RPS6KA2: variants seen among roughly 807,000 people sequenced by gnomAD.
The protein encoded by RPS6KA2 is ribosomal protein S6 kinase A2.
RPS6KA2 carries 42 observed loss-of-function variants against 91.8 expected under a neutral mutation model. The ratio of observed to expected loss-of-function variants is 0.46; its 90% CI spans 0.36 to 0.59. The LOEUF is 0.59. RPS6KA2 is among the 20% of genes least tolerant of loss of function. The pLI is 0.00. For synonymous variants in RPS6KA2, 414 were observed against 393.6 expected (o/e 1.05, Z -0.61); for missense variants, 798 against 978.5 (o/e 0.82, Z 2.46).
intron 1 of RPS6KA2, among the ~76,000 whole-genome samples, chr6:166,576,955 G>A (rs1784853537): frequency 6.8e-6 from 1 of 147,684 alleles, no homozygotes; most frequent in African/African-American, 2.4e-5. Flanking sequence ...GCTGTGTGCA[G>A]CCTAGGGACT....
intron 3 of RPS6KA2, among the ~76,000 whole-genome samples, chr6:166,521,665 C>T (rs746656835): frequency 3.3e-5 from 5 of 152,088 alleles, no homozygotes; most frequent in Non-Finnish European, 5.9e-5. Context: ...ACAGAGAGAT[C>T]GCAGAGATAC....
intron 2 of RPS6KA2, among the ~76,000 whole-genome samples, chr6:166,817,492 G>C (rs779168101): frequency 1.4e-4 from 22 of 152,110 alleles, no homozygotes; most frequent in Non-Finnish European, 3.1e-4. Context: ...CTGTCTGCTA[G>C]ATACTATGAC....
chr6:166,670,775 G>C (rs1481404183), intron 2 of RPS6KA2, among the ~76,000 whole-genome samples: 1 of 152,088 alleles, frequency 6.6e-6, no homozygotes, highest in African/African-American at 2.4e-5. Context: ...TACTCTTAAG[G>C]CTACCCTCAA....
upstream of RPS6KA2, chr6:166,627,778 T>C (rs1401229454): frequency 1.3e-5 from 2 of 152,234 alleles, no homozygotes; most frequent in Non-Finnish European, 2.9e-5. Context: ...TATGTTTTCC[T>C]TCCTTAAAAC....
rs1373047002 is a variant in RPS6KA2 at position 166,475,827 on chromosome 6, G to A, written c.908-5922C>T. 2.3e-5 allele frequency: 12 copies of A among 522,268 alleles called. No individual in the cohort carries two copies. In the Admixed American group the frequency reaches 2.4e-4, roughly 10 times the overall value. The allele number at this position is 522,268 out of a possible 1,614,324, so 32.4% of individuals were successfully genotyped here. On this transcript the variant is annotated intron_variant, in intron 10 of 20. Transcript: ENST00000265678. ...GGAGCAACTCACACGGGGGCAGAGG[G>A]CCGTTTTCTCACCTGCAGAGTGTAA...
chr6:166,459,163 C>T lies in RPS6KA2; in HGVS notation c.1075+286G>A, dbSNP rs1353947107. Among the ~76,000 whole-genome samples the T allele has an allele frequency of 6.6e-6, 1 of 152,178 alleles. No individual in the cohort carries two copies. Among genetic ancestry groups the T allele is most frequent in the East Asian group, 1.9e-4 (1 of 5,190 alleles). Reference sequence around the variant, plus strand: ...CCTCCAGTTTCTTTTCTTGCTCTTGCTGTGTGTCTCTCTGACACAGGAAGT... The same window carrying T: ...CCTCCAGTTTCTTTTCTTGCTCTTGTTGTGTGTCTCTCTGACACAGGAAGT... On this transcript the variant is annotated intron_variant, in intron 12 of 20. Transcript: ENST00000265678. The surrounding 1 kb of genome is among the most constrained non-coding windows in gnomAD (Gnocchi z 4.9).
intron 2 of RPS6KA2, among the ~76,000 whole-genome samples, chr6:166,661,655 T>C (rs1326680656): frequency 1.3e-5 from 2 of 152,128 alleles, no homozygotes; most frequent in African/African-American, 4.8e-5. Context: ...ATTTGCCTTA[T>C]CATTTTTAAA....
intron 2 of RPS6KA2, among the ~76,000 whole-genome samples, chr6:166,781,552 G>A (rs1038236311): frequency 6.6e-6 from 1 of 152,172 alleles, no homozygotes; most frequent in Non-Finnish European, 1.5e-5. Context: ...GCTGACCCAG[G>A]ACTGCATGCA....
At chr6:166,762,780 C>T (rs908685233) in intron 2 of RPS6KA2, among the ~76,000 whole-genome samples, 4 of 152,148 alleles carry the variant, frequency 2.6e-5, no homozygotes, top group Middle Eastern at 3.2e-3. Context: ...ACAAGGAAAG[C>T]GGAGCAAGCC....
intron 2 of RPS6KA2, among the ~76,000 whole-genome samples, chr6:166,745,096 C>T (rs536206245): frequency 2.0e-5 from 3 of 151,602 alleles, no homozygotes; most frequent in Non-Finnish European, 4.4e-5. Context: ...CAGTGTCCTT[C>T]CCCCTGTCCT....
At chr6:166,484,787 T>C (rs762507603) in intron 10 of RPS6KA2, among the ~76,000 whole-genome samples, 3 of 152,214 alleles carry the variant, frequency 2.0e-5, no homozygotes, top group Non-Finnish European at 2.9e-5. Flanking sequence ...TTTGGAAAAC[T>C]AAATTAATTG....
At chr6:166,579,592 C>T (rs1784942644) in intron 1 of RPS6KA2, among the ~76,000 whole-genome samples, 1 of 152,180 alleles carries the variant, frequency 6.6e-6, no homozygotes, top group South Asian at 2.1e-4. Flanking sequence ...AGAAGATGAA[C>T]ATCCTACGTC....
At chr6:166,538,638 G>T in intron 2 of RPS6KA2, 30 bp downstream of exon 2, 2 of 1,256,872 alleles carry the variant, frequency 1.6e-6, no homozygotes, top group South Asian at 2.4e-5. Context: ...TCAGGAATGA[G>T]ACTCAAGAGA....
At chr6:166,545,086 A>G (rs1783783427) in intron 1 of RPS6KA2, among the ~76,000 whole-genome samples, 1 of 152,234 alleles carries the variant, frequency 6.6e-6, no homozygotes, top group Admixed American at 6.5e-5. Context: ...TCAAGATCGC[A>G]GATAGAAGCT....
chr6:166,686,869 A>G lies in RPS6KA2; in HGVS notation c.124-148085T>C, dbSNP rs149134862. On this transcript the variant is annotated intron_variant, in intron 2 of 21. Coordinates refer to the RPS6KA2 transcript ENST00000503859. ...ATGTGCCAATTACAGTGTGGCCACA[A>G]ATCCAGGACAGCACCACCACTTCCT... Among the ~76,000 whole-genome samples the G allele has an allele frequency of 4.5e-3, 692 of 152,320 alleles. 9 individuals carry two copies. The highest frequency in any genetic ancestry group is 0.016 in the African/African-American group (667 of 41,558).
intron 2 of RPS6KA2, among the ~76,000 whole-genome samples, chr6:166,795,815 T>C (rs1779209139): frequency 6.6e-6 from 1 of 152,154 alleles, no homozygotes; most frequent in African/African-American, 2.4e-5. Flanking sequence ...AAGGTGGGAC[T>C]TGAGCCTGGA....
intron 2 of RPS6KA2, among the ~76,000 whole-genome samples, chr6:166,725,169 T>C (rs750958871): frequency 9.9e-5 from 15 of 152,222 alleles, no homozygotes; most frequent in Admixed American, 2.0e-4. Context: ...CTTGGTTTCC[T>C]GGACTGAGTA....
intron 1 of RPS6KA2, among the ~76,000 whole-genome samples, chr6:166,585,498 C>CTTTTTTTTT (rs58153048): frequency 9.3e-5 from 8 of 86,302 alleles, no homozygotes; most frequent in Non-Finnish European, 9.8e-5. Flanking sequence ...TCAAACAAGT[C>CTTTTTTTTT]TTTTTTTTTT....
At chr6:166,421,953 G>A (rs1276255093) in intron 17 of RPS6KA2, among the ~76,000 whole-genome samples, 1 of 152,166 alleles carries the variant, frequency 6.6e-6, no homozygotes, top group African/African-American at 2.4e-5. Flanking sequence ...AGGCTGGAGT[G>A]CAGTGGCGTG....
Sources: allele counts gnomAD v4.1 joint callset (sites outside exome capture counted in the v4.1 genomes callset), GRCh38; gene constraint gnomAD v4.1.1; non-coding constraint Gnocchi (gnomAD v3.1); transcripts MANE v1.5; gene names NCBI Gene and HGNC (gene_info 2026-07-23, HGNC 2026-07-21).